Variants in PTK2 observed in about 807,000 individuals in gnomAD.
PTK2 encodes focal adhesion kinase 1.
In PTK2, 45 loss-of-function variants were observed where a neutral mutation model predicts 150.1. The observed-to-expected ratio is 0.30, with a 90% confidence interval of 0.24 to 0.38. The LOEUF (loss-of-function observed/expected upper bound fraction) is 0.38, where lower values mean the gene tolerates loss of function less well. Among genes scored for constraint, PTK2 ranks in the 10% least tolerant of loss-of-function variants. PTK2 has a pLI of 1.00. For missense variants in PTK2, 919 were observed against 1,307.3 expected, an observed-to-expected ratio of 0.70 and a Z score of 4.58; for synonymous variants, 432 against 449.2, an observed-to-expected ratio of 0.96 and a Z score of 0.48.
intron 27 of PTK2, among the ~76,000 whole-genome samples, chr8:140,681,559 C>T (rs1214825201): frequency 4.6e-5 from 7 of 151,962 alleles, no homozygotes; most frequent in Admixed American, 2.0e-4. Context: ...GGGGGGATCA[C>T]GAAGTCAGGA....
At chr8:140,709,020 A>G (rs1205631634) in intron 23 of PTK2, among the ~76,000 whole-genome samples, 1 of 152,140 alleles carries the variant, frequency 6.6e-6, no homozygotes, top group Non-Finnish European at 1.5e-5. Context: ...GTACTGAACT[A>G]CCTACTTTAC....
At chr8:140,882,523 T>C (rs2100149785) in intron 3 of PTK2, among the ~76,000 whole-genome samples, 1 of 152,230 alleles carries the variant, frequency 6.6e-6, no homozygotes, top group Non-Finnish European at 1.5e-5. Context: ...CTCTGAAACC[T>C]GTCTCTCATA....
chr8:140,694,462 A>G (rs1303893844), intron 26 of PTK2, among the ~76,000 whole-genome samples: 1 of 152,162 alleles, frequency 6.6e-6, no homozygotes, highest in African/African-American at 2.4e-5. Flanking sequence ...TTATTTTACA[A>G]GAGTATTGGT....
intron 1 of PTK2, among the ~76,000 whole-genome samples, chr8:140,974,008 C>A (rs1015957636): frequency 1.3e-5 from 2 of 152,192 alleles, no homozygotes; most frequent in Non-Finnish European, 2.9e-5. Context: ...CTCTTAAGTT[C>A]TCTCTGCTCC....
At chr8:140,957,271 A>G (rs1210403738) in intron 1 of PTK2, among the ~76,000 whole-genome samples, 2 of 151,996 alleles carry the variant, frequency 1.3e-5, no homozygotes, top group East Asian at 3.9e-4. Flanking sequence ...CTATCTCTAC[A>G]GAAAAAATTA....
At chr8:140,856,674 T>C (rs1269633002) in intron 5 of PTK2, among the ~76,000 whole-genome samples, 1 of 152,154 alleles carries the variant, frequency 6.6e-6, no homozygotes, top group Non-Finnish European at 1.5e-5. Flanking sequence ...CCTGGGGTGA[T>C]GGTCATATTC....
chr8:140,963,692 A>AT, intron 1 of PTK2, among the ~76,000 whole-genome samples: 1 of 152,336 alleles, frequency 6.6e-6, no homozygotes, highest in East Asian at 1.9e-4. Context: ...GATATTAGAA[A>AT]TTCTTTGCTT....
At chr8:140,775,216 GGCT>G (rs1425390766) in intron 14 of PTK2, among the ~76,000 whole-genome samples, 8 of 152,192 alleles carry the variant, frequency 5.3e-5, no homozygotes, top group Admixed American at 1.3e-4. Flanking sequence ...CAGGCATGGT[GGCT>G]CATGCCTGTA....
chr8:140,923,499 G>A (rs908675846), intron 2 of PTK2, among the ~76,000 whole-genome samples: 6 of 152,168 alleles, frequency 3.9e-5, no homozygotes, highest in African/African-American at 1.4e-4. Flanking sequence ...TGGCTAGTTT[G>A]GTGATACAGA....
rs774265216 is a variant in PTK2 at position 140,830,545 on chromosome 8, C to A, written c.594-19G>T. 7 of 1,430,738 alleles carry A rather than the reference C, an allele frequency of 4.9e-6. No homozygotes were observed. In the Admixed American group the frequency reaches 1.3e-4, roughly 26 times the overall value. 88.6% of individuals were successfully genotyped at this position (1,430,738 alleles called of 1,614,324 possible). A position where few individuals can be genotyped will look rare whatever the true frequency, so the allele number is the denominator to read the frequency against. On this transcript the variant is annotated intron_variant, in intron 7 of 31. Coordinates refer to ENST00000522684, the Ensembl canonical transcript of PTK2. ...ATCTTTTCTGAAATATAAAAAGAAG[C>A]GTATTAACAAATAACACCACCAAAT...
intron 22 of PTK2, among the ~76,000 whole-genome samples, chr8:140,723,288 C>T (rs898265186): frequency 1.4e-4 from 21 of 152,138 alleles, no homozygotes; most frequent in Non-Finnish European, 2.4e-4. Context: ...ATTAAACATC[C>T]GAGTTGTTCC....
chr8:140,674,611 T>G (rs905673789), intron 28 of PTK2, among the ~76,000 whole-genome samples: 1 of 151,786 alleles, frequency 6.6e-6, no homozygotes, highest in Admixed American at 6.6e-5. Context: ...TGGTGGCACA[T>G]GCCTGTAATC....
At chr8:140,777,462 C>G (rs2100079101) in intron 14 of PTK2, among the ~76,000 whole-genome samples, 2 of 152,244 alleles carry the variant, frequency 1.3e-5, no homozygotes. Context: ...AGGGATCTGC[C>G]TCATGATTCA....
At chr8:140,805,140 G>A (rs1419996625) in intron 10 of PTK2, among the ~76,000 whole-genome samples, 1 of 152,138 alleles carries the variant, frequency 6.6e-6, no homozygotes, top group Non-Finnish European at 1.5e-5. Flanking sequence ...CTGGAACTCA[G>A]ACTCATGCAT....
At chr8:140,728,685 A>G (rs1447259954) in intron 22 of PTK2, among the ~76,000 whole-genome samples, 1 of 151,852 alleles carries the variant, frequency 6.6e-6, no homozygotes, top group Non-Finnish European at 1.5e-5. Flanking sequence ...ACGCCCGGCT[A>G]TTTTTTTGTA....
chr8:140,869,124 C>T (rs1237628293), intron 4 of PTK2, among the ~76,000 whole-genome samples: 2 of 150,078 alleles, frequency 1.3e-5, no homozygotes, highest in Non-Finnish European at 1.5e-5. Context: ...CCCCCGCCCC[C>T]CCAACCCATA....
intron 5 of PTK2, among the ~76,000 whole-genome samples, chr8:140,852,382 TATG>T (rs1567565475): frequency 6.6e-6 from 1 of 152,334 alleles, no homozygotes; most frequent in East Asian, 1.9e-4. Context: ...GTATCTTGAT[TATG>T]ATGATTACAT....
chr8:140,904,212 G>C (rs1305995452), intron 2 of PTK2, among the ~76,000 whole-genome samples: 1 of 152,118 alleles, frequency 6.6e-6, no homozygotes, highest in Non-Finnish European at 1.5e-5. Context: ...TAACATGAAG[G>C]GGTGTTGAAT....
chr8:140,693,575 A>T lies in PTK2; in HGVS notation c.2500-6881T>A, dbSNP rs1361956408. On this transcript the variant is annotated intron_variant, in intron 26 of 31. Coordinates refer to ENST00000522684, the Ensembl canonical transcript of PTK2. Reference sequence around the variant, plus strand: ...GACTTTGTCTCAATTAAAAAAAAAAAAAAAAAAAAAAAAAAAAAAAAAAAA... The same window carrying T: ...GACTTTGTCTCAATTAAAAAAAAAATAAAAAAAAAAAAAAAAAAAAAAAAA... Among the ~76,000 whole-genome samples, 46 of 47,806 alleles carry T rather than the reference A, an allele frequency of 9.6e-4. 2 individuals are homozygous for T. The highest frequency in any genetic ancestry group is 2.4e-3 in the African/African-American group (43 of 18,074). The allele number at this position is 47,806 out of a possible 152,430, so 31.4% of individuals were successfully genotyped here.
Sources: gnomAD v4.1 joint callset for allele counts (sites outside exome capture counted in the v4.1 genomes callset) on GRCh38, gnomAD v4.1.1 for gene constraint, MANE v1.5 for transcripts, NCBI Gene and HGNC (gene_info 2026-07-23, HGNC 2026-07-21) for gene names.